ASTN2: variants seen among roughly 807,000 people sequenced by gnomAD.
ASTN2 encodes the protein astrotactin 2, also known as astrotactin-2.
A neutral mutation model predicts 139.8 loss-of-function variants in ASTN2; 54 were observed. That is an observed-to-expected ratio of 0.39 (90% CI 0.31 to 0.48). The LOEUF (loss-of-function observed/expected upper bound fraction) is 0.48, where lower values mean the gene tolerates loss of function less well. Among genes scored for constraint, ASTN2 ranks in the 20% least tolerant of loss-of-function variants. The pLI is 0.95. For synonymous variants in ASTN2, 756 were observed against 719.5 expected, an observed-to-expected ratio of 1.05 and a Z score of -0.81; for missense variants, 1,565 against 1,725.1, an observed-to-expected ratio of 0.91 and a Z score of 1.64.
At chr9:116,697,494 T>G in intron 16 of ASTN2, 1 of 508,758 alleles carries the variant, frequency 2.0e-6, no homozygotes, top group South Asian at 2.2e-5. Context: ...TTGTCTGGTT[T>G]GTTTCCCTAT....
intron 16 of ASTN2, among the ~76,000 whole-genome samples, chr9:116,669,407 C>G (rs1406092256): frequency 1.3e-5 from 2 of 152,050 alleles, no homozygotes; most frequent in Non-Finnish European, 2.9e-5. Context: ...ACAAACAAAA[C>G]AGTACATTTA....
intron 1 of ASTN2, among the ~76,000 whole-genome samples, chr9:117,350,662 C>T (rs1829360770): frequency 6.6e-6 from 1 of 151,974 alleles, no homozygotes; most frequent in Non-Finnish European, 1.5e-5. Flanking sequence ...AAAATGTGCT[C>T]AGAGCACTTT....
intron 10 of ASTN2, among the ~76,000 whole-genome samples, chr9:116,890,936 G>T (rs1310410104): frequency 6.6e-6 from 1 of 152,122 alleles, no homozygotes; most frequent in African/African-American, 2.4e-5. Flanking sequence ...GGTCTCAGCG[G>T]CCTCAAGGTT....
At chr9:117,052,786 C>T (rs929449763) in intron 5 of ASTN2, among the ~76,000 whole-genome samples, 26 of 152,196 alleles carry the variant, frequency 1.7e-4, no homozygotes, top group Non-Finnish European at 8.8e-5. Flanking sequence ...ATCAGAAAAC[C>T]AGCTCAGGGA....
chr9:117,066,628 A>C (rs10983495), intron 5 of ASTN2, among the ~76,000 whole-genome samples: 19,378 of 146,302 alleles, frequency 0.13, 1,425 homozygotes, highest in African/African-American at 0.17. Context: ...AGTTTACAGT[A>C]CCACCAACAG....
chr9:117,200,951 TTG>T lies in ASTN2; in HGVS notation c.1015+13405_1015+13406del, dbSNP rs546872081. ...CAGAAGGAATGGTACCAGCTCCTCT[TTG>T]TATTTCTGATAGAATTCAGCTATGA... On this transcript the variant is annotated intron_variant, in intron 3 of 22. Coordinates refer to ENST00000313400, the MANE Select transcript of ASTN2 (RefSeq NM_001365068.1). 3.3e-5 allele frequency among the ~76,000 whole-genome samples: 5 copies of T among 151,930 alleles called. No individual in the cohort carries two copies. The South Asian group carries it at 8.3e-4, about 25-fold the overall frequency.
chr9:117,043,628 G>A (rs1033231960), intron 5 of ASTN2, among the ~76,000 whole-genome samples: 1 of 152,058 alleles, frequency 6.6e-6, no homozygotes, highest in African/African-American at 2.4e-5. Context: ...CAACATGATG[G>A]CTGGGCACAG....
intron 1 of ASTN2, among the ~76,000 whole-genome samples, chr9:117,339,583 T>A (rs938229066): frequency 6.6e-6 from 1 of 152,110 alleles, no homozygotes; most frequent in African/African-American, 2.4e-5. Flanking sequence ...CTGAAGAAAC[T>A]TTTTCTGTTA....
intron 10 of ASTN2, among the ~76,000 whole-genome samples, chr9:116,899,484 C>T (rs1217027796): frequency 1.3e-5 from 2 of 152,166 alleles, no homozygotes; most frequent in African/African-American, 4.8e-5. Context: ...TGATCATGAA[C>T]CATCCTTTGC....
At chr9:116,797,381 T>C (rs1239648769) in intron 13 of ASTN2, among the ~76,000 whole-genome samples, 1 of 152,100 alleles carries the variant, frequency 6.6e-6, no homozygotes, top group Non-Finnish European at 1.5e-5. Context: ...CTTGGAAACA[T>C]GGAGCCACAC....
At chr9:117,233,235 A>G (rs566143831) in intron 2 of ASTN2, among the ~76,000 whole-genome samples, 9 of 152,318 alleles carry the variant, frequency 5.9e-5, no homozygotes, top group African/African-American at 1.4e-4. Context: ...CCAAGCGAGC[A>G]TGTGTTCCTC....
intron 22 of ASTN2, among the ~76,000 whole-genome samples, chr9:116,434,989 T>G (rs112428696): frequency 6.6e-6 from 1 of 152,202 alleles, no homozygotes; most frequent in Non-Finnish European, 1.5e-5. Context: ...AGAATCCTAA[T>G]AGAGCTCATC....
chr9:116,743,169 G>A lies in ASTN2; in HGVS notation c.2397-9646C>T, dbSNP rs578059012. Among the ~76,000 whole-genome samples the A allele has an allele frequency of 2.0e-5, 3 of 152,134 alleles. No homozygotes were observed. In the South Asian group the frequency reaches 6.2e-4, roughly 32 times the overall value. ...GAGAGGCAAGGCTGGTGGGGAGAAT[G>A]CAACTGAGGCAAGACTGGTGGGGAG... On this transcript the variant is annotated intron_variant, in intron 13 of 22. Transcript: ENST00000313400.
chr9:117,023,986 G>T (rs1359893779), intron 6 of ASTN2, among the ~76,000 whole-genome samples: 2 of 152,070 alleles, frequency 1.3e-5, no homozygotes, highest in African/African-American at 4.8e-5. Flanking sequence ...GTTGGGGAGG[G>T]GATGGGACTG....
rs192629749 is a variant in ASTN2 at position 117,197,734 on chromosome 9, G to C, written c.1015+16624C>G. ...TCCTGTCAGTGGAATAGAATGAACAGGCAAGGGTAGAACATTTAGTTGTTG... is the reference window on the plus strand; with the variant it reads ...TCCTGTCAGTGGAATAGAATGAACACGCAAGGGTAGAACATTTAGTTGTTG... On this transcript the variant is annotated intron_variant, in intron 3 of 22. Transcript: ENST00000313400. 5.4e-4 allele frequency among the ~76,000 whole-genome samples: 82 copies of C among 152,328 alleles called. 1 individual carries two copies. The highest frequency in any genetic ancestry group is 6.8e-3 in the Middle Eastern group (2 of 294).
chr9:117,183,615 T>G (rs1170139371), intron 3 of ASTN2, among the ~76,000 whole-genome samples: 1 of 152,200 alleles, frequency 6.6e-6, no homozygotes, highest in African/African-American at 2.4e-5. Flanking sequence ...TTTCAGGAGT[T>G]GACCTAGGTA....
At chr9:116,466,768 C>T (rs1848657988) in intron 20 of ASTN2, among the ~76,000 whole-genome samples, 1 of 152,174 alleles carries the variant, frequency 6.6e-6, no homozygotes, top group Admixed American at 6.5e-5. Flanking sequence ...GGAGGTCATG[C>T]CTGGTGCTAA....
At chr9:117,340,447 G>A (rs952333571) in intron 1 of ASTN2, among the ~76,000 whole-genome samples, 6 of 151,282 alleles carry the variant, frequency 4.0e-5, no homozygotes, top group African/African-American at 9.7e-5. Flanking sequence ...AAAAATGCCC[G>A]GTGCACCCTG....
rs568761794 is a variant in ASTN2, at chr9:117,399,122, C to T, written c.442+15375G>A. ...TGAGGTTGGAAATACAATAAACACA[C>T]GTGTACTCTCTGCTGGAGTTACAGA... On this transcript the variant is annotated intron_variant, in intron 1 of 22. Transcript: ENST00000313400. Among the ~76,000 whole-genome samples, 84 of 152,276 alleles carry T rather than the reference C, an allele frequency of 5.5e-4. 1 individual carries two copies. In the South Asian group the frequency reaches 0.01, roughly 19 times the overall value.
Sources: gnomAD v4.1 joint callset for allele counts (sites outside exome capture counted in the v4.1 genomes callset) on GRCh38, gnomAD v4.1.1 for gene constraint, MANE v1.5 for transcripts, NCBI Gene and HGNC (gene_info 2026-07-23, HGNC 2026-07-21) for gene names.